TLR6: variants seen among roughly 807,000 people sequenced by gnomAD.
The protein encoded by TLR6 is toll-like receptor 6.
A neutral mutation model predicts 16.1 loss-of-function variants in TLR6; 9 were observed. The ratio of observed to expected loss-of-function variants is 0.56; its 90% CI spans 0.34 to 0.98. TLR6 has a LOEUF of 0.98. Ranked by LOEUF, TLR6 falls within the 50% of genes least tolerant of loss-of-function variation. TLR6 has a pLI of 0.02. For missense variants in TLR6, 786 were observed against 921.0 expected (o/e 0.85, Z 1.90); for synonymous variants, 340 against 338.6 (o/e 1.00, Z -0.04).
chr4:38,848,266 A>T (rs1712619974), intron 1 of TLR6, among the ~76,000 whole-genome samples: 1 of 152,206 alleles, frequency 6.6e-6, no homozygotes, highest in African/African-American at 2.4e-5. Context: ...GGACATCCAC[A>T]CCAAAAACCC....
intron 1 of TLR6, among the ~76,000 whole-genome samples, chr4:38,831,232 C>T (rs1696609539): frequency 6.6e-6 from 1 of 151,176 alleles, no homozygotes; most frequent in Non-Finnish European, 1.5e-5. Context: ...GCAAAGGCAA[C>T]TCAGTGGAGA....
At chr4:38,854,610 T>G (rs1712896950) in intron 1 of TLR6, among the ~76,000 whole-genome samples, 1 of 152,126 alleles carries the variant, frequency 6.6e-6, no homozygotes, top group South Asian at 2.1e-4. Context: ...ATAAGAACCC[T>G]CATTTACTAC....
chr4:38,863,986 G>C, the TLR6 span, among the ~76,000 whole-genome samples: 1 of 152,038 alleles, frequency 6.6e-6, no homozygotes, highest in Non-Finnish European at 1.5e-5. Context: ...TCCTCCCTCT[G>C]CTCCAGCCAC....
At chr4:38,824,131 T>C (rs1399705075) in exon 2 of TLR6, 1 of 148,470 alleles carries the variant, frequency 6.7e-6, no homozygotes, top group Admixed American at 6.7e-5. Context: ...CAGGACTTCA[T>C]GGACATTTCC....
In TLR6 at chr4:38,848,984, C is replaced by A. The variant is rs561456445; in HGVS notation, c.-65+7777G>T. On this transcript the variant is annotated intron_variant, in intron 1 of 1. Transcript: ENST00000436693. ...CTCCAAGACACATAATTGTCAGATTCGCCAAAGTTGAATGAAGGAAAAAAT... is the reference window on the plus strand; with the variant it reads ...CTCCAAGACACATAATTGTCAGATTAGCCAAAGTTGAATGAAGGAAAAAAT... 7.2e-5 allele frequency among the ~76,000 whole-genome samples: 11 copies of A among 152,236 alleles called. No individual in the cohort carries two copies. In the East Asian group the frequency reaches 1.9e-3, roughly 27 times the overall value.
chr4:38,831,423 T>C (rs1711570380), intron 1 of TLR6, among the ~76,000 whole-genome samples: 1 of 151,972 alleles, frequency 6.6e-6, no homozygotes, highest in African/African-American at 2.4e-5. Context: ...GAAGATAACA[T>C]AGGAGAAAAT....
chr4:38,837,458 C>G (rs1711987883), intron 1 of TLR6, among the ~76,000 whole-genome samples: 1 of 152,092 alleles, frequency 6.6e-6, no homozygotes, highest in Non-Finnish European at 1.5e-5. Flanking sequence ...ACAAAGATGC[C>G]AACAACATAC....
intron 1 of TLR6, among the ~76,000 whole-genome samples, chr4:38,853,412 T>C (rs996143675): frequency 2.0e-5 from 3 of 151,846 alleles, no homozygotes; most frequent in African/African-American, 7.3e-5. Flanking sequence ...CATTGTTCTT[T>C]CCGGAAGTTT....
chr4:38,848,474 A>C (rs1490374980), intron 1 of TLR6, among the ~76,000 whole-genome samples: 1 of 152,242 alleles, frequency 6.6e-6, no homozygotes, highest in Non-Finnish European at 1.5e-5. Flanking sequence ...AGACGATCAA[A>C]CTTCTCCAAC....
chr4:38,844,085 C>G lies in TLR6; in HGVS notation c.-65+12676G>C, dbSNP rs1274530954. Among the ~76,000 whole-genome samples the G allele has an allele frequency of 2.0e-5, 3 of 152,156 alleles. No individual in the cohort carries two copies. In the East Asian group the frequency reaches 5.8e-4, roughly 29 times the overall value. ...AGTTTTCCTTCTACGGACTGCCACACTCCATTCTCCCCAAACTTTACACTT... is the reference window on the plus strand; with the variant it reads ...AGTTTTCCTTCTACGGACTGCCACAGTCCATTCTCCCCAAACTTTACACTT... On this transcript the variant is annotated intron_variant, in intron 1 of 1. Transcript: ENST00000436693.
chr4:38,823,163 G>A (rs142317056), downstream of TLR6, among the ~76,000 whole-genome samples: 1,936 of 152,282 alleles, frequency 0.013, 53 homozygotes, highest in Non-Finnish European at 0.013. Flanking sequence ...AATTCAAGAT[G>A]AGATTTGGGT....
chr4:38,829,573 C>T lies in TLR6; in HGVS notation c.-64-36G>A, dbSNP rs73808602. On this transcript the variant is annotated intron_variant, in intron 1 of 1. Coordinates refer to ENST00000436693, the Ensembl canonical transcript of TLR6. The stretch of plus-strand genomic sequence containing the variant: ...AATATACACTAAGATTAATAAAGAT[C>T]GGATGGTTACTCTCAAACCTCCACT... The T allele has an allele frequency of 1.1e-3, 782 of 709,048 alleles. 5 individuals are homozygous for T. In the African/African-American group the frequency reaches 0.013, roughly 12 times the overall value. The allele number at this position is 709,048 out of a possible 1,614,324, so 43.9% of individuals were successfully genotyped here.
intron 1 of TLR6, among the ~76,000 whole-genome samples, chr4:38,844,073 C>T (rs73811216): frequency 0.051 from 7,711 of 152,192 alleles, 541 homozygotes; most frequent in African/African-American, 0.15. Flanking sequence ...TTTCCTTCTA[C>T]GGACTGCCAC....
the TLR6 span, chr4:38,868,078 T>A: frequency 4.8e-6 from 2 of 414,668 alleles, no homozygotes; most frequent in South Asian, 1.7e-5. Context: ...TGTGAGTGTG[T>A]GTCGCTCCGG....
intron 1 of TLR6, among the ~76,000 whole-genome samples, chr4:38,852,356 C>T (rs910214908): frequency 6.6e-6 from 1 of 152,104 alleles, no homozygotes; most frequent in African/African-American, 2.4e-5. Context: ...AAAGCAATGG[C>T]AACAAAAGAC....
At chr4:38,833,237 C>A (rs2109424166) in intron 1 of TLR6, among the ~76,000 whole-genome samples, 1 of 152,346 alleles carries the variant, frequency 6.6e-6, no homozygotes, top group African/African-American at 2.4e-5. Context: ...AACTAAATCT[C>A]CTGGAGGCTC....
At chr4:38,867,657 G>C in the TLR6 span, 2 of 151,664 alleles carry the variant, frequency 1.3e-5, no homozygotes, top group Admixed American at 1.3e-4. Flanking sequence ...GCGCGGGCCC[G>C]GCCCTCGCAG....
chr4:38,827,342 C>G, exon 2 of TLR6: 1 of 1,614,140 alleles, frequency 6.2e-7, no homozygotes, highest in Non-Finnish European at 8.5e-7. Context: ...GTAATGGCAC[C>G]ACTCACTCTG....
At chr4:38,842,128 G>C (rs7665774) in intron 1 of TLR6, among the ~76,000 whole-genome samples, 93,105 of 151,870 alleles carry the variant, frequency 0.61, 29,762 homozygotes, top group African/African-American at 0.8. Context: ...CCCAATTTGG[G>C]CAAGGTGACA....
Sources: gnomAD v4.1 joint callset for allele counts (sites outside exome capture counted in the v4.1 genomes callset) on GRCh38, gnomAD v4.1.1 for gene constraint, MANE v1.5 for transcripts, NCBI Gene and HGNC (gene_info 2026-07-23, HGNC 2026-07-21) for gene names.